The following PREX1 variants were observed in gnomAD, a reference collection of about 807,000 sequenced individuals.
PREX1 encodes phosphatidylinositol 3,4,5-trisphosphate-dependent Rac exchanger 1 protein.
PREX1 carries 41 observed loss-of-function variants against 198.3 expected under a neutral mutation model. That is an observed-to-expected ratio of 0.21 (90% CI 0.16 to 0.27). PREX1 has a LOEUF of 0.27. Among genes scored for constraint, PREX1 ranks in the 10% least tolerant of loss-of-function variants. The probability of loss-of-function intolerance (pLI) is 1.00; values close to 1 mark genes in which losing one functional copy is unlikely to be tolerated. For missense variants in PREX1, 1,620 were observed against 2,200.7 expected (o/e 0.74, Z 5.28); for synonymous variants, 843 against 887.2 (o/e 0.95, Z 0.89).
chr20:48,756,863 G>A (rs147450643), intron 1 of PREX1, among the ~76,000 whole-genome samples: 1 of 152,144 alleles, frequency 6.6e-6, no homozygotes, highest in East Asian at 1.9e-4. Context: ...TGGCTGAGGA[G>A]GCCTCACAAT....
At chr20:48,781,007 G>A (rs1398906985) in intron 1 of PREX1, among the ~76,000 whole-genome samples, 1 of 152,124 alleles carries the variant, frequency 6.6e-6, no homozygotes, top group African/African-American at 2.4e-5. Flanking sequence ...TTACGCATAA[G>A]CTCAAGTCCA....
At chr20:48,740,591 G>A (rs908849547) in intron 3 of PREX1, among the ~76,000 whole-genome samples, 2 of 152,248 alleles carry the variant, frequency 1.3e-5, no homozygotes, top group Non-Finnish European at 2.9e-5. Flanking sequence ...GGGCCCACCT[G>A]TGTGCAAATC....
chr20:48,660,494 A>G (rs986285424), intron 15 of PREX1, among the ~76,000 whole-genome samples: 3 of 151,822 alleles, frequency 2.0e-5, no homozygotes, highest in African/African-American at 7.2e-5. Flanking sequence ...GGGGAAAAAA[A>G]TTGAATCCCT....
Position 48,636,535 on chromosome 20 carries a change from G to T in PREX1, c.4095C>A (p.Arg1365=). ...EYEESSRDAS[R]KWLEQVAATG... is the part of the protein sequence containing the mutation. ...TGGCCGCCACCTGCTCCAGCCACTT[G>T]CGGCTGGCGTCGCGGCTGCTCTCCT... The change falls in exon 32 of 40, where the codon CGC becomes CGA. Residue 1365 remains arginine (R), a synonymous_variant. Coordinates refer to ENST00000371941, the MANE Select transcript of PREX1 (RefSeq NM_020820.4). 1 of 1,611,448 alleles carries T rather than the reference G, an allele frequency of 6.2e-7. No homozygotes were observed. Among genetic ancestry groups the T allele is most frequent in the Non-Finnish European group, 8.5e-7 (1 of 1,179,580 alleles).
chr20:48,699,353 A>G (rs1411185435), intron 7 of PREX1, among the ~76,000 whole-genome samples: 1 of 152,230 alleles, frequency 6.6e-6, no homozygotes, highest in Non-Finnish European at 1.5e-5. Context: ...AACAGCAAAG[A>G]GAATTTGAAA....
At chr20:48,855,675 G>T in the PREX1 span, among the ~76,000 whole-genome samples, 3 of 152,196 alleles carry the variant, frequency 2.0e-5, no homozygotes, top group Non-Finnish European at 4.4e-5. Flanking sequence ...AAGGAGGGTG[G>T]ATCACTTGAG....
At chr20:48,872,091 G>A in the PREX1 span, among the ~76,000 whole-genome samples, 4 of 150,364 alleles carry the variant, frequency 2.7e-5, no homozygotes, top group East Asian at 5.9e-4. Context: ...CCTGGGAGAC[G>A]GAGCTTGCAG....
At chr20:48,747,514 C>T (rs141061873) in intron 2 of PREX1, among the ~76,000 whole-genome samples, 1 of 152,332 alleles carries the variant, frequency 6.6e-6, no homozygotes, top group East Asian at 1.9e-4. Flanking sequence ...GGGCCTGACA[C>T]GAGGAGCCCG....
chr20:48,792,905 G>GATAGAAAGTAC (rs2090345202), intron 1 of PREX1, among the ~76,000 whole-genome samples: 1 of 150,734 alleles, frequency 6.6e-6, no homozygotes, highest in Non-Finnish European at 1.5e-5. Flanking sequence ...AATCTGTAGA[G>GATAGAAAGTAC]ATAGAAAGTA....
At chr20:48,809,875 T>C (rs1600529493) in intron 1 of PREX1, among the ~76,000 whole-genome samples, 1 of 152,136 alleles carries the variant, frequency 6.6e-6, no homozygotes, top group Non-Finnish European at 1.5e-5. Flanking sequence ...TAGCTGATGT[T>C]GCAGAAAAGA....
chr20:48,798,097 C>T (rs1458327126), intron 1 of PREX1, among the ~76,000 whole-genome samples: 1 of 152,182 alleles, frequency 6.6e-6, no homozygotes, highest in East Asian at 1.9e-4. Flanking sequence ...TTTGCCCTTG[C>T]CCATGGGGTT....
intron 1 of PREX1, among the ~76,000 whole-genome samples, chr20:48,808,992 G>A (rs575347949): frequency 7.9e-5 from 12 of 152,336 alleles, no homozygotes; most frequent in African/African-American, 2.9e-4. Flanking sequence ...GTGACTCTGG[G>A]TAGGTCAGGG....
At chr20:48,708,220 C>G (rs968738401) in intron 6 of PREX1, 40 bp downstream of exon 6, 59 of 1,604,240 alleles carry the variant, frequency 3.7e-5, no homozygotes, top group Non-Finnish European at 4.7e-5. Flanking sequence ...ACCTCCTGGC[C>G]CCCTGCGGCC....
At chr20:48,650,782 GT>G (rs2089489280) in intron 23 of PREX1, 111 bp downstream of exon 23, 2 of 1,354,992 alleles carry the variant, frequency 1.5e-6, no homozygotes, top group African/African-American at 1.4e-5. Flanking sequence ...ACATTCTCCT[GT>G]TTGTTTCAGC....
chr20:48,734,434 CA>C, intron 4 of PREX1, 111 bp downstream of exon 4: 3 of 923,040 alleles, frequency 3.3e-6, no homozygotes, highest in Non-Finnish European at 5.2e-6. Context: ...GAGATTACCC[CA>C]GCCAAGGAAA....
chr20:48,856,880 C>T, the PREX1 span, among the ~76,000 whole-genome samples: 8 of 152,324 alleles, frequency 5.3e-5, no homozygotes, highest in Admixed American at 2.0e-4. Context: ...TGCTTTATCA[C>T]CCAGGTTGGA....
chr20:48,665,167 AT>A (rs1568812588), intron 15 of PREX1, among the ~76,000 whole-genome samples: 1 of 149,204 alleles, frequency 6.7e-6, no homozygotes, highest in African/African-American at 2.5e-5. Context: ...GACGGCCTGA[AT>A]TATAATCCTA....
At chr20:48,703,471 C>G (rs1364515198) in intron 6 of PREX1, among the ~76,000 whole-genome samples, 1 of 152,190 alleles carries the variant, frequency 6.6e-6, no homozygotes, top group African/African-American at 2.4e-5. Context: ...CCTGGGACCC[C>G]CAGCATCCTC....
At chr20:48,676,992 C>T (rs115252947) in intron 13 of PREX1, among the ~76,000 whole-genome samples, 3,464 of 152,270 alleles carry the variant, frequency 0.023, 149 homozygotes, top group African/African-American at 0.079. Flanking sequence ...CCATGGGTTC[C>T]GCTAACCTTG....
Sources: gnomAD v4.1 joint callset for allele counts (sites outside exome capture counted in the v4.1 genomes callset) on GRCh38, gnomAD v4.1.1 for gene constraint, MANE v1.5 for transcripts, NCBI Gene and HGNC (gene_info 2026-07-23, HGNC 2026-07-21) for gene names.